Variants in FASTKD1 observed in about 807,000 individuals in gnomAD.
The protein encoded by FASTKD1 is FAST kinase domains 1.
FASTKD1 carries 94 observed loss-of-function variants against 90.9 expected under a neutral mutation model. The observed-to-expected ratio is 1.03, with a 90% CI of 0.88 to 1.23. The LOEUF (loss-of-function observed/expected upper bound fraction) is 1.23, where lower values mean the gene tolerates loss of function less well. Among genes scored for constraint, FASTKD1 ranks in the 50% most tolerant of loss-of-function variants. The probability of loss-of-function intolerance (pLI) is 0.00; values close to 1 mark genes in which losing one functional copy is unlikely to be tolerated. For synonymous variants in FASTKD1, 319 were observed against 345.8 expected (o/e 0.92, Z 0.86); for missense variants, 945 against 993.5 (o/e 0.95, Z 0.66).
At chr2:169,535,456 A>ATTTG (rs745620572) in intron 12 of FASTKD1, among the ~76,000 whole-genome samples, 1 of 106,064 alleles carries the variant, frequency 9.4e-6, no homozygotes, top group Non-Finnish European at 1.9e-5. Context: ...TTATTTATTT[A>ATTTG]TTTATTTATT....
At chr2:169,562,004 C>T (rs186903654) in intron 4 of FASTKD1, among the ~76,000 whole-genome samples, 39,403 of 72,690 alleles carry the variant, frequency 0.54, 12,016 homozygotes, top group Admixed American at 0.61. Context: ...ATTAATTATT[C>T]ATTAATTTAT....
At chr2:169,540,317 G>T in intron 9 of FASTKD1, 138 bp from the exon 10 acceptor site, 1 of 869,202 alleles carries the variant, frequency 1.2e-6, no homozygotes, top group Non-Finnish European at 1.7e-6. Context: ...TTACAAGACA[G>T]GATAATGGTT....
intron 10 of FASTKD1, 93 bp from the exon 11 acceptor site, chr2:169,538,234 G>C: frequency 4.9e-6 from 5 of 1,012,406 alleles, no homozygotes; most frequent in Middle Eastern, 2.9e-4. Context: ...ACTATTAGTA[G>C]ATGCTTTTAT....
At chr2:169,572,246 T>A in intron 1 of FASTKD1, 75 bp from the exon 2 acceptor site, 1 of 402,404 alleles carries the variant, frequency 2.5e-6, no homozygotes, top group East Asian at 4.2e-5. Flanking sequence ...CAAATTAAAG[T>A]AATACATTTT....
At chr2:169,568,665 G>GA (rs2105439829) in intron 3 of FASTKD1, among the ~76,000 whole-genome samples, 1 of 115,172 alleles carries the variant, frequency 8.7e-6, no homozygotes, top group Non-Finnish European at 1.9e-5. Context: ...AAGAGAGACA[G>GA]AAAAAGAGAG....
chr2:169,543,085 A>G (rs1400469219), intron 9 of FASTKD1, among the ~76,000 whole-genome samples: 1 of 152,210 alleles, frequency 6.6e-6, no homozygotes, highest in African/African-American at 2.4e-5. Flanking sequence ...CACAATTTAT[A>G]AGAAATGGCC....
At chr2:169,534,348 C>T (rs1574365584) in intron 12 of FASTKD1, among the ~76,000 whole-genome samples, 1 of 151,818 alleles carries the variant, frequency 6.6e-6, no homozygotes, top group Admixed American at 6.6e-5. Flanking sequence ...TTCAAAGTAC[C>T]ATCTTGGAAG....
At position 169,530,712 on chromosome 2, in the gene FASTKD1, T is replaced by TA. The variant is rs758454915; in HGVS notation, c.2328-12dup. 149 of 1,386,884 alleles carry TA rather than the reference T, an allele frequency of 1.1e-4. 2 individuals are homozygous for TA. The highest frequency in any genetic ancestry group is 3.0e-4 in the South Asian group (24 of 79,942). The allele number at this position is 1,386,884 out of a possible 1,614,324, so 85.9% of individuals were successfully genotyped here. On this transcript the variant is annotated splice_polypyrimidine_tract_variant and intron_variant, in intron 13 of 14. Coordinates refer to ENST00000453153, the MANE Select transcript of FASTKD1 (RefSeq NM_024622.6). ...AATTCCAAAGCAATCCTACATAAAA[T>TA]AAAAAAATATTTACTCCTAAAATCA...
At chr2:169,531,554 T>C in intron 12 of FASTKD1, 64 bp from the exon 13 acceptor site, 1 of 1,316,786 alleles carries the variant, frequency 7.6e-7, no homozygotes, top group Non-Finnish European at 1.0e-6. Flanking sequence ...AAGTTTAAGA[T>C]ATATTTGAAA....
chr2:169,562,007 T>A (rs1264070863), intron 4 of FASTKD1, among the ~76,000 whole-genome samples: 1 of 113,768 alleles, frequency 8.8e-6, no homozygotes, highest in Non-Finnish European at 1.9e-5. Flanking sequence ...AATTATTCAT[T>A]AATTTATTGT....
At chr2:169,544,127 C>T (rs559084455) in intron 9 of FASTKD1, among the ~76,000 whole-genome samples, 1 of 151,758 alleles carries the variant, frequency 6.6e-6, no homozygotes, top group Non-Finnish European at 1.5e-5. Flanking sequence ...TGAAATGGCT[C>T]AGAAAAAAAT....
chr2:169,531,699 C>T (rs1163128418), intron 12 of FASTKD1: 1 of 489,536 alleles, frequency 2.0e-6, no homozygotes, highest in African/African-American at 1.9e-5. Flanking sequence ...AAAAATCAAC[C>T]AGAAGAATTA....
intron 3 of FASTKD1, among the ~76,000 whole-genome samples, chr2:169,565,603 T>C (rs559400596): frequency 6.6e-5 from 10 of 152,272 alleles, no homozygotes; most frequent in African/African-American, 1.2e-4. Context: ...TGGACACTTA[T>C]GTTGCTTTCA....
At chr2:169,566,529 T>C (rs1683994520) in intron 3 of FASTKD1, among the ~76,000 whole-genome samples, 2 of 152,072 alleles carry the variant, frequency 1.3e-5, no homozygotes. Flanking sequence ...CCTGGCAACA[T>C]GGCGAAATCC....
At chr2:169,560,129 A>G (rs1683510553) in intron 5 of FASTKD1, 1 of 235,766 alleles carries the variant, frequency 4.2e-6, no homozygotes, top group South Asian at 1.5e-4. Flanking sequence ...ATAAAAACAC[A>G]TGGCGTTTCC....
At chr2:169,548,899 T>C (rs377683861) in intron 7 of FASTKD1, among the ~76,000 whole-genome samples, 60 of 150,766 alleles carry the variant, frequency 4.0e-4, no homozygotes, top group East Asian at 4.0e-3. Context: ...TCGAGACCAT[T>C]CTGGCTAACA....
chr2:169,551,014 T>G (rs558921560), intron 7 of FASTKD1, among the ~76,000 whole-genome samples: 1 of 152,324 alleles, frequency 6.6e-6, no homozygotes, highest in Non-Finnish European at 1.5e-5. Flanking sequence ...CCTCCTCAAT[T>G]GTCAAAGCTT....
chr2:169,538,713 T>A (rs1254089330), intron 10 of FASTKD1, among the ~76,000 whole-genome samples: 2 of 150,736 alleles, frequency 1.3e-5, no homozygotes, highest in South Asian at 4.2e-4. Flanking sequence ...CCAAGATTTT[T>A]CATTCACCTA....
rs1223615476 is a variant in FASTKD1, at chr2:169,573,782, T to C, written c.-256A>G. 6.6e-6 allele frequency: 1 copy of C among 152,160 alleles called. No homozygotes were observed. Among genetic ancestry groups the C allele is most frequent in the Non-Finnish European group, 1.5e-5 (1 of 68,046 alleles). The allele number at this position is 152,160 out of a possible 1,614,324, so 9.4% of individuals were successfully genotyped here. A position where few individuals can be genotyped will look rare whatever the true frequency, so the allele number is the denominator to read the frequency against. On this transcript the variant is annotated 5_prime_UTR_variant, in exon 1 of 15. Coordinates refer to ENST00000453153, the MANE Select transcript of FASTKD1 (RefSeq NM_024622.6). ...ACACGGAACGAAACAGGCTCGGATG[T>C]CTCGCCCAACCCTCATATCTCAGGG... is the stretch of plus-strand genomic sequence containing the variant.
Sources: gnomAD v4.1 joint callset for allele counts (sites outside exome capture counted in the v4.1 genomes callset) on GRCh38, gnomAD v4.1.1 for gene constraint, MANE v1.5 for transcripts, NCBI Gene and HGNC (gene_info 2026-07-23, HGNC 2026-07-21) for gene names.